Variants in STAG1 observed in about 807,000 individuals in gnomAD.
STAG1 encodes cohesin subunit SA-1.
In STAG1, 26 loss-of-function variants were observed where a neutral mutation model predicts 170.9. That is an observed-to-expected ratio of 0.15 (90% confidence interval 0.11 to 0.21). The LOEUF is 0.21. Ranked by LOEUF, STAG1 falls within the 10% of genes least tolerant of loss-of-function variation. STAG1 has a pLI of 1.00. For synonymous variants in STAG1, 514 were observed against 497.7 expected, an observed-to-expected ratio of 1.03 and a Z score of -0.44; for missense variants, 964 against 1,509.5, an observed-to-expected ratio of 0.64 and a Z score of 5.99.
At position 136,367,035 on chromosome 3, in the gene STAG1, T is replaced by G; in HGVS notation, c.2593A>C (p.Arg865=). The G allele has an allele frequency of 6.2e-7, 1 of 1,611,106 alleles. No individual in the cohort carries two copies. Among genetic ancestry groups the G allele is most frequent in the Non-Finnish European group, 8.5e-7 (1 of 1,177,880 alleles). Residue 865 remains arginine, a synonymous_variant, in exon 25 of 34, where the codon AGA becomes CGA. Transcript: ENST00000383202. ...CTGAAAGCAGCAAGTAGATTCCTTC[T>G]TTTATGTAAGGCCTCAATTTTATTA... ...EANKIEALHK[R]RNLLAAFSKL...
At position 136,747,094 on chromosome 3, in the gene STAG1, A is replaced by T. The variant is rs111907268; in HGVS notation, c.-84+5101T>A. The stretch of plus-strand genomic sequence containing the variant: ...CTGGGCAACAAGAGTGAAACTGTCT[A>T]AAAAAAAAAAAAAAAAAAAAAAAAA... On this transcript the variant is annotated intron_variant, in intron 1 of 33. Coordinates refer to ENST00000383202, the MANE Select transcript of STAG1 (RefSeq NM_005862.3). Among the ~76,000 whole-genome samples the T allele has an allele frequency of 1.3e-3, 49 of 38,784 alleles. 2 individuals are homozygous for T. The highest frequency in any genetic ancestry group is 4.7e-3 in the South Asian group (6 of 1,270). 25.4% of individuals were successfully genotyped at this position (38,784 alleles called of 152,430 possible). A position where few individuals can be genotyped will look rare whatever the true frequency, so the allele number is the denominator to read the frequency against.
rs548613880 is a variant in STAG1 at position 136,422,455 on chromosome 3, C to T, written c.1992G>A (p.Glu664=). Residue 664 remains glutamate (E), a synonymous_variant, in exon 19 of 34, where the codon GAG becomes GAA. Coordinates refer to ENST00000383202, the MANE Select transcript of STAG1 (RefSeq NM_005862.3). ...CAGAATGATTGAATCGATCTACAAA[C>T]TCATCAATCAGCTGGCTTCGAGCTA... is the stretch of plus-strand genomic sequence containing the variant. The part of the protein sequence containing the change: ...VDIARSQLID[E]FVDRFNHSVE... The T allele has an allele frequency of 1.2e-6, 2 of 1,614,058 alleles. No individual in the cohort carries two copies. The highest frequency in any genetic ancestry group is 1.3e-5 in the African/African-American group (1 of 75,040).
chr3:136,608,632 T>A (rs1379270471), intron 3 of STAG1, among the ~76,000 whole-genome samples: 1 of 149,894 alleles, frequency 6.7e-6, no homozygotes, highest in Non-Finnish European at 1.5e-5. Flanking sequence ...CTGAGCAACA[T>A]GGCAAAAGCC....
chr3:136,656,375 T>C (rs553949691), intron 1 of STAG1, among the ~76,000 whole-genome samples: 3 of 152,208 alleles, frequency 2.0e-5, no homozygotes, highest in Non-Finnish European at 2.9e-5. Context: ...CAAAACAATA[T>C]GGACCTATTT....
At chr3:136,682,074 G>A (rs1191562530) in intron 1 of STAG1, among the ~76,000 whole-genome samples, 2 of 151,972 alleles carry the variant, frequency 1.3e-5, no homozygotes, top group Middle Eastern at 3.2e-3. Context: ...TTAAAAAAAA[G>A]AAATAAAACT....
chr3:136,749,276 C>T (rs917336302), intron 1 of STAG1, among the ~76,000 whole-genome samples: 18 of 152,150 alleles, frequency 1.2e-4, no homozygotes, highest in Non-Finnish European at 8.8e-5. Context: ...GTCAGACACA[C>T]AGGAAATAGG....
At chr3:136,546,732 C>T (rs1936171026) in intron 5 of STAG1, among the ~76,000 whole-genome samples, 1 of 152,180 alleles carries the variant, frequency 6.6e-6, no homozygotes, top group African/African-American at 2.4e-5. Flanking sequence ...ACATTGTATA[C>T]AAATCCATAA....
At chr3:136,682,508 C>T (rs568614097) in intron 1 of STAG1, among the ~76,000 whole-genome samples, 1 of 149,508 alleles carries the variant, frequency 6.7e-6, no homozygotes, top group Non-Finnish European at 1.5e-5. Context: ...ATATGTCACA[C>T]GAAAAAAACA....
At chr3:136,424,393 G>A (rs575701466) in intron 16 of STAG1, among the ~76,000 whole-genome samples, 4 of 149,258 alleles carry the variant, frequency 2.7e-5, no homozygotes, top group East Asian at 2.0e-4. Context: ...GCAATGGCGC[G>A]ATATTGGCTC....
intron 14 of STAG1, among the ~76,000 whole-genome samples, chr3:136,449,287 G>A (rs1178527298): frequency 2.0e-5 from 3 of 152,096 alleles, no homozygotes; most frequent in African/African-American, 7.2e-5. Context: ...AGGGCCAGGC[G>A]TGGTGGCTCA....
chr3:136,677,108 G>C (rs1942149954), intron 1 of STAG1, among the ~76,000 whole-genome samples: 1 of 152,040 alleles, frequency 6.6e-6, no homozygotes, highest in Non-Finnish European at 1.5e-5. Flanking sequence ...TTTATAAGTA[G>C]GAGTACACTC....
chr3:136,464,425 AAAAAAAAC>A (rs957622041), intron 13 of STAG1, among the ~76,000 whole-genome samples: 2 of 144,052 alleles, frequency 1.4e-5, no homozygotes, highest in Non-Finnish European at 3.1e-5. Flanking sequence ...CTCCGTCTCA[AAAAAAAAC>A]AAAAAAACAA....
intron 1 of STAG1, among the ~76,000 whole-genome samples, chr3:136,701,468 C>A (rs906776951): frequency 3.3e-5 from 5 of 152,108 alleles, no homozygotes; most frequent in Non-Finnish European, 7.3e-5. Flanking sequence ...TTACCCTACA[C>A]ATTTTCAGAC....
intron 1 of STAG1, among the ~76,000 whole-genome samples, chr3:136,646,980 A>G (rs776634823): frequency 6.6e-6 from 1 of 152,192 alleles, no homozygotes; most frequent in Non-Finnish European, 1.5e-5. Flanking sequence ...CCCAACACAA[A>G]GAAATAATGA....
chr3:136,346,495 T>A (rs1198899931), intron 29 of STAG1, among the ~76,000 whole-genome samples: 1 of 152,256 alleles, frequency 6.6e-6, no homozygotes, highest in Non-Finnish European at 1.5e-5. Flanking sequence ...TTTCTTTTTT[T>A]AATTTAAACA....
At chr3:136,394,235 T>A (rs933706586) in intron 22 of STAG1, among the ~76,000 whole-genome samples, 1 of 152,284 alleles carries the variant, frequency 6.6e-6, no homozygotes, top group East Asian at 1.9e-4. Context: ...TTTGCATGTG[T>A]CTTAAAAATT....
Position 136,606,847 on chromosome 3 carries a change from C to T in STAG1, c.133-2374G>A, listed in dbSNP as rs534126848. Among the ~76,000 whole-genome samples, 14 of 149,414 alleles carry T rather than the reference C, an allele frequency of 9.4e-5. No homozygotes were observed. In the South Asian group the frequency reaches 1.5e-3, roughly 16 times the overall value. ...CACTACAACCTCCGTCTGCTGGGTT[C>T]GAGCAATTCTCCTGCCTCAGCCTCC... is the stretch of plus-strand genomic sequence containing the variant. On this transcript the variant is annotated intron_variant, in intron 3 of 33. Coordinates refer to ENST00000383202, the MANE Select transcript of STAG1 (RefSeq NM_005862.3).
intron 1 of STAG1, among the ~76,000 whole-genome samples, chr3:136,652,451 T>C (rs1669508373): frequency 6.6e-6 from 1 of 152,250 alleles, no homozygotes; most frequent in Non-Finnish European, 1.5e-5. Context: ...TGTTTGGTGT[T>C]ACTTCATCTT....
Position 136,338,207 on chromosome 3 carries a change from C to T in STAG1, c.*47G>A. 1.4e-6 allele frequency: 2 copies of T among 1,396,280 alleles called. No homozygotes were observed. Among genetic ancestry groups the T allele is most frequent in the East Asian group, 2.3e-5 (1 of 43,788 alleles). 86.5% of individuals were successfully genotyped at this position (1,396,280 alleles called of 1,614,324 possible). On this transcript the variant is annotated 3_prime_UTR_variant, in exon 34 of 34. Coordinates refer to ENST00000383202, the MANE Select transcript of STAG1 (RefSeq NM_005862.3). Reference sequence around the variant, plus strand: ...ACAAGCTATCACAGTATATAGGCCTCTAGCTCTAAATAATAGAGTTCCAGA... The same window carrying T: ...ACAAGCTATCACAGTATATAGGCCTTTAGCTCTAAATAATAGAGTTCCAGA...
Sources: allele counts gnomAD v4.1 joint callset (sites outside exome capture counted in the v4.1 genomes callset), GRCh38; gene constraint gnomAD v4.1.1; transcripts MANE v1.5; gene names NCBI Gene and HGNC (gene_info 2026-07-23, HGNC 2026-07-21).